C9: variants seen among roughly 807,000 people sequenced by gnomAD.
C9 encodes complement C9.
A neutral mutation model predicts 65.4 loss-of-function variants in C9; 63 were observed. That is an observed-to-expected ratio of 0.96 (90% CI 0.79 to 1.19). The LOEUF (loss-of-function observed/expected upper bound fraction) is 1.19. C9 is among the 50% of genes most tolerant of loss of function. C9 has a pLI of 0.00. For synonymous variants in C9, 229 were observed against 227.9 expected, an observed-to-expected ratio of 1.00 and a Z score of -0.04; for missense variants, 744 against 670.1, an observed-to-expected ratio of 1.11 and a Z score of -1.22.
rs143530248 is a variant in C9 at position 39,341,765 on chromosome 5, G to A, written c.184-65C>T. The A allele has an allele frequency of 2.6e-5, 38 of 1,436,476 alleles. 1 individual carries two copies. The East Asian group carries it at 8.6e-4, about 33-fold the overall frequency. 89.0% of individuals were successfully genotyped at this position (1,436,476 alleles called of 1,614,324 possible). A position where few individuals can be genotyped will look rare whatever the true frequency, so the allele number is the denominator to read the frequency against. ...CAAAAAAAGGGTATGGTCTAAAGGT[G>A]CATCCATACAACTATATCCCTGCAA... On this transcript the variant is annotated intron_variant, in intron 2 of 10. Coordinates refer to ENST00000263408, the MANE Select transcript of C9 (RefSeq NM_001737.5).
chr5:39,339,625 T>A (rs1437030030), intron 4 of C9, among the ~76,000 whole-genome samples: 2 of 148,640 alleles, frequency 1.3e-5, no homozygotes, highest in East Asian at 4.0e-4. Context: ...ACAGCTACAA[T>A]GGTCTCCAGA....
At chr5:39,331,613 A>C in intron 5 of C9, 63 bp downstream of exon 5, 1 of 1,415,110 alleles carries the variant, frequency 7.1e-7, no homozygotes, top group African/African-American at 1.4e-5. Context: ...TTTGGTACTA[A>C]ACTTATTTAA....
intron 1 of C9, among the ~76,000 whole-genome samples, chr5:39,348,402 C>T (rs1311903581): frequency 3.3e-5 from 5 of 152,112 alleles, no homozygotes; most frequent in African/African-American, 1.2e-4. Context: ...TTTATGCAAC[C>T]AACAGACACA....
intron 1 of C9, among the ~76,000 whole-genome samples, chr5:39,362,616 C>T (rs4957474): frequency 0.39 from 58,914 of 151,912 alleles, 12,456 homozygotes; most frequent in Non-Finnish European, 0.47. Context: ...ATCTTACAGA[C>T]GAGGGAAGCG....
chr5:39,287,741 C>A (rs1398685558), intron 10 of C9, among the ~76,000 whole-genome samples: 1 of 151,960 alleles, frequency 6.6e-6, no homozygotes, highest in Non-Finnish European at 1.5e-5. Context: ...TCAAATACCA[C>A]ATGTTCTCGC....
rs1012282896 is a variant in C9 at position 39,341,222 on chromosome 5, AATC to A, written c.397_399del (p.Asp133del). The A allele has an allele frequency of 1.2e-6, 2 of 1,613,994 alleles. No individual in the cohort carries two copies. Among genetic ancestry groups the A allele is most frequent in the African/African-American group, 2.7e-5 (2 of 74,894 alleles). ...CAGGGGGGACGGGGCTCACTTTCAC[AATC>A]ATCCTCATCTGAAAAGTCTCCGCAG... On this transcript the variant is annotated inframe_deletion, in exon 4 of 11. Coordinates refer to ENST00000263408, the MANE Select transcript of C9 (RefSeq NM_001737.5).
At chr5:39,309,241 GTTAT>G (rs1753434909) in intron 7 of C9, among the ~76,000 whole-genome samples, 2 of 151,944 alleles carry the variant, frequency 1.3e-5, no homozygotes, top group Middle Eastern at 3.4e-3. Context: ...AGTTTTTGCC[GTTAT>G]TTATCATTTA....
chr5:39,360,798 G>T (rs1754503771), intron 1 of C9, among the ~76,000 whole-genome samples: 1 of 152,048 alleles, frequency 6.6e-6, no homozygotes, highest in African/African-American at 2.4e-5. Context: ...TTGGCCTGTG[G>T]TTCCTGTCGC....
At position 39,288,812 on chromosome 5, in the gene C9, A is replaced by T. The variant is rs757557479; in HGVS notation, c.1556T>A (p.Val519Glu). Residue 519 changes from valine (V) to glutamate (E), a missense_variant, in exon 10 of 11, where the codon GTG (valine) becomes GAG (glutamate). Physicochemically the swap from Val to Glu is moderately radical, Grantham distance 121. Coordinates refer to ENST00000263408, the MANE Select transcript of C9 (RefSeq NM_001737.5). ...CAAACACTTTCCATCCATTAGAATC[A>T]CTGTACCTCCATTTTGGCATGTGTG... ...KCHTCQNGGT[V>E]ILMDGKCLCA... 6.2e-7 allele frequency: 1 copy of T among 1,612,218 alleles called. No homozygotes were observed. The highest frequency in any genetic ancestry group is 2.2e-5 in the East Asian group (1 of 44,786).
intron 1 of C9, among the ~76,000 whole-genome samples, chr5:39,354,038 G>C (rs1754372897): frequency 6.6e-6 from 1 of 152,166 alleles, no homozygotes; most frequent in Non-Finnish European, 1.5e-5. Flanking sequence ...ATTTTTGTAA[G>C]CCTGGCCCTT....
intron 10 of C9, among the ~76,000 whole-genome samples, chr5:39,286,743 T>C (rs1402974841): frequency 6.6e-6 from 1 of 151,892 alleles, no homozygotes; most frequent in Non-Finnish European, 1.5e-5. Context: ...CGCAAAGCAC[T>C]AGATTGAGAC....
intron 10 of C9, 72 bp from the exon 11 acceptor site, chr5:39,285,305 C>T: frequency 8.7e-7 from 1 of 1,147,660 alleles, no homozygotes; most frequent in Non-Finnish European, 1.3e-6. Flanking sequence ...CACCCATCCG[C>T]TTTTTCACCT....
At chr5:39,287,172 G>C (rs1406033971) in intron 10 of C9, among the ~76,000 whole-genome samples, 2 of 151,848 alleles carry the variant, frequency 1.3e-5, no homozygotes, top group Non-Finnish European at 2.9e-5. Context: ...ATGTTTACTT[G>C]TAGGAAGTAA....
At chr5:39,356,847 G>A (rs1367436193) in intron 1 of C9, among the ~76,000 whole-genome samples, 2 of 152,190 alleles carry the variant, frequency 1.3e-5, no homozygotes, top group African/African-American at 4.8e-5. Flanking sequence ...TTCAAGGACT[G>A]CATATGTACA....
At chr5:39,352,954 G>A (rs1162308195) in intron 1 of C9, among the ~76,000 whole-genome samples, 1 of 152,016 alleles carries the variant, frequency 6.6e-6, no homozygotes, top group Non-Finnish European at 1.5e-5. Context: ...AGGGGGCTTT[G>A]GAAATGTGAT....
chr5:39,296,519 C>T (rs1753188677), intron 9 of C9, among the ~76,000 whole-genome samples: 1 of 151,362 alleles, frequency 6.6e-6, no homozygotes, highest in African/African-American at 2.4e-5. Context: ...AGTATAGTCA[C>T]TATGTAGAAC....
intron 5 of C9, among the ~76,000 whole-genome samples, chr5:39,329,063 T>C (rs1753800492): frequency 6.6e-6 from 1 of 152,160 alleles, no homozygotes; most frequent in Non-Finnish European, 1.5e-5. Context: ...AATGAACACC[T>C]GAAACCTGAT....
chr5:39,298,761 T>C (rs1410213353), intron 9 of C9, among the ~76,000 whole-genome samples: 1 of 151,840 alleles, frequency 6.6e-6, no homozygotes, highest in Non-Finnish European at 1.5e-5. Context: ...ATTACTTTGA[T>C]ACCAAAACCA....
chr5:39,331,122 GT>G (rs562217162), intron 5 of C9, among the ~76,000 whole-genome samples: 59 of 152,304 alleles, frequency 3.9e-4, no homozygotes, highest in African/African-American at 1.3e-3. Flanking sequence ...GAGGGCTACA[GT>G]CTGTCATTGT....
Sources: allele counts gnomAD v4.1 joint callset (sites outside exome capture counted in the v4.1 genomes callset), GRCh38; gene constraint gnomAD v4.1.1; transcripts MANE v1.5; gene names NCBI Gene and HGNC (gene_info 2026-07-23, HGNC 2026-07-21).